The following DENND5B variants were observed in gnomAD, a reference collection of about 807,000 sequenced individuals.
DENND5B encodes the protein DENN domain containing 5B, also known as DENN domain-containing protein 5B.
In DENND5B, 34 loss-of-function variants were observed where a neutral mutation model predicts 140.6. That is an observed-to-expected ratio of 0.24 (90% confidence interval 0.18 to 0.32). The LOEUF (loss-of-function observed/expected upper bound fraction) is 0.32. Among genes scored for constraint, DENND5B ranks in the 10% least tolerant of loss-of-function variants. The pLI is 1.00. For synonymous variants in DENND5B, 551 were observed against 562.1 expected, an observed-to-expected ratio of 0.98 and a Z score of 0.28; for missense variants, 1,142 against 1,560.2, an observed-to-expected ratio of 0.73 and a Z score of 4.52.
intron 1 of DENND5B, among the ~76,000 whole-genome samples, chr12:31,510,280 C>T (rs1359708968): frequency 6.6e-6 from 1 of 152,178 alleles, no homozygotes; most frequent in Non-Finnish European, 1.5e-5. Context: ...GACAGGGCTG[C>T]ATTCCTTTCT....
intron 16 of DENND5B, among the ~76,000 whole-genome samples, chr12:31,399,042 A>C (rs1383531327): frequency 6.7e-6 from 1 of 148,452 alleles, no homozygotes; most frequent in Non-Finnish European, 1.5e-5. Flanking sequence ...GAACTGCTTG[A>C]ACCTGGGAGG....
At chr12:31,585,423 G>A (rs57935649) in intron 1 of DENND5B, among the ~76,000 whole-genome samples, 22,613 of 152,058 alleles carry the variant, frequency 0.15, 1,885 homozygotes, top group East Asian at 0.25. Flanking sequence ...CTATACACCC[G>A]GCCACTGTTT....
intron 3 of DENND5B, among the ~76,000 whole-genome samples, chr12:31,469,346 A>AAAAAAAG (rs769930524): frequency 1.3e-4 from 17 of 130,208 alleles, no homozygotes; most frequent in South Asian, 2.6e-4. Context: ...AAAAAAAAAA[A>AAAAAAAG]AAGAAGAAGA....
chr12:31,524,559 A>G (rs1948019794), intron 1 of DENND5B, among the ~76,000 whole-genome samples: 1 of 152,150 alleles, frequency 6.6e-6, no homozygotes, highest in South Asian at 2.1e-4. Flanking sequence ...AGGCTGAGGG[A>G]GGAGAATCGC....
chr12:31,499,765 T>C, intron 1 of DENND5B: 1 of 1,020,482 alleles, frequency 9.8e-7, no homozygotes. Context: ...TGAGAATAAT[T>C]AACCAAAAGC....
At chr12:31,438,433 T>C (rs919909038) in intron 7 of DENND5B, among the ~76,000 whole-genome samples, 2 of 152,178 alleles carry the variant, frequency 1.3e-5, no homozygotes, top group African/African-American at 4.8e-5. Context: ...AATAGTTTCT[T>C]AAGAAGAGGA....
intron 1 of DENND5B, among the ~76,000 whole-genome samples, chr12:31,527,260 G>A (rs34986122): frequency 3.3e-5 from 5 of 152,066 alleles, no homozygotes; most frequent in Non-Finnish European, 7.4e-5. Flanking sequence ...AAGATCCTTG[G>A]GGGGAAGAGC....
intron 3 of DENND5B, among the ~76,000 whole-genome samples, chr12:31,475,060 C>G (rs1293211035): frequency 6.6e-6 from 1 of 152,158 alleles, no homozygotes; most frequent in Non-Finnish European, 1.5e-5. Context: ...TACTTACTAG[C>G]TGTATCATCT....
chr12:31,398,300 A>G lies in DENND5B; in HGVS notation c.3131T>C (p.Ile1044Thr). ...TGATGCTGATGTCATCAACTCTCCA[A>G]TAAGAATTCTCTCCAGGCTCCCATC... is the stretch of plus-strand genomic sequence containing the variant. ...IDDGSLERIL[I>T]GELMTSASDE... Residue 1044 changes from isoleucine to threonine, a missense_variant, in exon 17 of 21, where the codon ATT becomes ACT. Physicochemically the swap from Ile to Thr is moderately conservative, Grantham distance 89. This residue lies in a region of DENND5B where 268 missense variants were observed against 349.2 expected (regional missense o/e 0.77). Coordinates refer to ENST00000389082, the MANE Select transcript of DENND5B (RefSeq NM_144973.4). 6.4e-7 allele frequency: 1 copy of G among 1,557,480 alleles called. No individual in the cohort carries two copies. Among genetic ancestry groups the G allele is most frequent in the Non-Finnish European group, 8.7e-7 (1 of 1,150,020 alleles).
chr12:31,473,134 T>C (rs1329560407), intron 3 of DENND5B, among the ~76,000 whole-genome samples: 1 of 151,818 alleles, frequency 6.6e-6, no homozygotes, highest in Non-Finnish European at 1.5e-5. Flanking sequence ...GATGGGGTTT[T>C]GCTATGTTGC....
chr12:31,401,493 G>C (rs924406031), intron 15 of DENND5B, among the ~76,000 whole-genome samples: 1 of 152,086 alleles, frequency 6.6e-6, no homozygotes, highest in East Asian at 1.9e-4. Context: ...CATTCAGTTC[G>C]TACCATTTCC....
chr12:31,414,206 G>C (rs1328117628), intron 12 of DENND5B, among the ~76,000 whole-genome samples: 1 of 152,154 alleles, frequency 6.6e-6, no homozygotes, highest in East Asian at 1.9e-4. Context: ...ATGACCCACT[G>C]CACTTGGATC....
intron 2 of DENND5B, among the ~76,000 whole-genome samples, chr12:31,486,081 T>C (rs930864363): frequency 1.3e-5 from 2 of 152,236 alleles, no homozygotes; most frequent in African/African-American, 4.8e-5. Flanking sequence ...AGCCCTGCTA[T>C]GGGTTTAAAT....
intron 4 of DENND5B, among the ~76,000 whole-genome samples, chr12:31,454,142 C>CAAAA (rs372795117): frequency 1.0e-5 from 1 of 96,410 alleles, no homozygotes. Context: ...AGACTTTGGC[C>CAAAA]AAAAAAAAAA....
In DENND5B at chr12:31,392,620, T is replaced by C; in HGVS notation, c.3333A>G (p.Glu1111=). The C allele has an allele frequency of 6.4e-7, 1 of 1,556,238 alleles. No homozygotes were observed. The highest frequency in any genetic ancestry group is 1.4e-5 in the African/African-American group (1 of 73,628). Residue 1111 remains glutamate (E), a synonymous_variant, in exon 18 of 21, where the codon GAA becomes GAG. Transcript: ENST00000389082. ...TTTTATAGCCCATAAATACCTCTTT[T>C]TCAGGTTTATGAAAATGTTTCACAA... ...NNIVKHFHKP[E]KERGSLTVLL...
chr12:31,406,960 G>A (rs1426306661), intron 14 of DENND5B, among the ~76,000 whole-genome samples: 7 of 150,424 alleles, frequency 4.7e-5, no homozygotes, highest in South Asian at 2.1e-4. Context: ...CACCACGTCC[G>A]GCTAATTTTT....
rs182129207 is a variant in DENND5B at position 31,487,403 on chromosome 12, T to C, written c.238-7148A>G. ...TGAGTTGCTCTGCTGATAGCATGAATAAAAACTCATTTGGCTGGGTGTAGT... is the reference window on the plus strand; with the variant it reads ...TGAGTTGCTCTGCTGATAGCATGAACAAAAACTCATTTGGCTGGGTGTAGT... On this transcript the variant is annotated intron_variant, in intron 2 of 20. Coordinates refer to ENST00000389082, the MANE Select transcript of DENND5B (RefSeq NM_144973.4). Among the ~76,000 whole-genome samples, 99 of 152,232 alleles carry C rather than the reference T, an allele frequency of 6.5e-4. No homozygotes were observed. In the Middle Eastern group the frequency reaches 0.017, roughly 26 times the overall value.
intron 1 of DENND5B, among the ~76,000 whole-genome samples, chr12:31,544,448 A>G (rs1020910036): frequency 2.2e-4 from 33 of 151,970 alleles, no homozygotes; most frequent in South Asian, 2.1e-4. Context: ...CATCCAGCTA[A>G]TTTTTATTAT....
chr12:31,522,217 C>T (rs934327071), intron 1 of DENND5B, among the ~76,000 whole-genome samples: 30 of 152,286 alleles, frequency 2.0e-4, no homozygotes, highest in African/African-American at 6.3e-4. Context: ...CACCTCTAAA[C>T]GCTGATTTAC....
Sources: gnomAD v4.1 joint callset for allele counts (sites outside exome capture counted in the v4.1 genomes callset) on GRCh38, gnomAD v4.1.1 for gene constraint, gnomAD v4.1.1 regional missense constraint, MANE v1.5 for transcripts, NCBI Gene and HGNC (gene_info 2026-07-23, HGNC 2026-07-21) for gene names.